Variants in TNFRSF10A observed in about 807,000 individuals in gnomAD.
TNFRSF10A encodes the protein TNF receptor superfamily member 10a.
A neutral mutation model predicts 42.8 loss-of-function variants in TNFRSF10A; 44 were observed. The ratio of observed to expected loss-of-function variants is 1.03; its 90% confidence interval spans 0.81 to 1.32. The LOEUF (loss-of-function observed/expected upper bound fraction) is 1.32, where lower values mean the gene tolerates loss of function less well. Ranked by LOEUF, TNFRSF10A falls within the 40% of genes most tolerant of loss-of-function variation. The probability of loss-of-function intolerance (pLI) is 0.00; values close to 1 mark genes in which losing one functional copy is unlikely to be tolerated. For missense variants in TNFRSF10A, 680 were observed against 602.0 expected (o/e 1.13, Z -1.36); for synonymous variants, 259 against 234.2 (o/e 1.11, Z -0.97).
intron 8 of TNFRSF10A, among the ~76,000 whole-genome samples, chr8:23,198,857 C>A (rs1265232290): frequency 6.6e-6 from 1 of 152,188 alleles, no homozygotes; most frequent in African/African-American, 2.4e-5. Context: ...TCCATACAAC[C>A]ATATGCAGAA....
chr8:23,190,955 A>ATCT lies in TNFRSF10A; in HGVS notation c.*738_*739insAGA, dbSNP rs1417463747. On this transcript the variant is annotated 3_prime_UTR_variant, in exon 10 of 10. Transcript: ENST00000221132. ...ATCCTAGACTCTGATGTCCACAGGC[A>ATCT]GAAGAGTGTCCCAGCTCCAGGAGAT... is the stretch of plus-strand genomic sequence containing the variant. 4 of 152,230 alleles carry ATCT rather than the reference A, an allele frequency of 2.6e-5. No individual in the cohort carries two copies. The East Asian group carries it at 7.7e-4, about 29-fold the overall frequency. 9.4% of individuals were successfully genotyped at this position (152,230 alleles called of 1,614,324 possible). A position where few individuals can be genotyped will look rare whatever the true frequency, so the allele number is the denominator to read the frequency against.
intron 3 of TNFRSF10A, 26 bp from the exon 4 acceptor site, chr8:23,201,945 GA>G (rs1800934325): frequency 6.2e-7 from 1 of 1,605,786 alleles, no homozygotes; most frequent in Admixed American, 1.7e-5. Flanking sequence ...AAGGTTTTGG[GA>G]ATGTGTTTCC....
At chr8:23,205,959 G>C (rs891382885) in intron 2 of TNFRSF10A, among the ~76,000 whole-genome samples, 1 of 151,910 alleles carries the variant, frequency 6.6e-6, no homozygotes, top group Non-Finnish European at 1.5e-5. Context: ...CTCGTGATCC[G>C]CCTGCCTTGG....
chr8:23,210,637 G>A (rs1031635636), intron 2 of TNFRSF10A, among the ~76,000 whole-genome samples: 8 of 152,218 alleles, frequency 5.3e-5, no homozygotes, highest in Non-Finnish European at 5.9e-5. Context: ...AGCCGAGATC[G>A]CGCCACTGCA....
intron 1 of TNFRSF10A, among the ~76,000 whole-genome samples, chr8:23,218,377 A>T (rs1371563738): frequency 6.6e-6 from 1 of 152,118 alleles, no homozygotes; most frequent in Non-Finnish European, 1.5e-5. Flanking sequence ...TCTCTCAGGC[A>T]TACACACCCT....
At chr8:23,208,810 T>C (rs1207154698) in intron 2 of TNFRSF10A, among the ~76,000 whole-genome samples, 1 of 152,150 alleles carries the variant, frequency 6.6e-6, no homozygotes, top group Admixed American at 6.6e-5. Flanking sequence ...ATCTGCAACC[T>C]GACAATGTGC....
rs1460624968 is a variant in TNFRSF10A at position 23,191,010 on chromosome 8, G to A, written c.*684C>T. 1.3e-5 allele frequency: 2 copies of A among 150,016 alleles called. No individual in the cohort carries two copies. Among genetic ancestry groups the A allele is most frequent in the East Asian group, 3.9e-4 (2 of 5,162 alleles). The allele number at this position is 150,016 out of a possible 1,614,324, so 9.3% of individuals were successfully genotyped here. The stretch of plus-strand genomic sequence containing the variant: ...TGGATTTGCTTTTCCTTTTTTTTTT[G>A]TTTTCTTCTATCTTGCTCCCCAGTC... On this transcript the variant is annotated 3_prime_UTR_variant, in exon 10 of 10. Transcript: ENST00000221132.
intron 2 of TNFRSF10A, 60 bp from the exon 3 acceptor site, chr8:23,202,821 C>T (rs1408531358): frequency 3.3e-6 from 4 of 1,228,792 alleles, no homozygotes; most frequent in East Asian, 2.4e-5. Flanking sequence ...AGGATCGTGG[C>T]GGTGGCTAGG....
chr8:23,207,693 A>G (rs1467312622), intron 2 of TNFRSF10A, among the ~76,000 whole-genome samples: 1 of 152,166 alleles, frequency 6.6e-6, no homozygotes, highest in Non-Finnish European at 1.5e-5. Context: ...ATAATGAGTA[A>G]GTCTCATAAG....
In TNFRSF10A at chr8:23,191,788, C is replaced by T. The variant is rs1283179595; in HGVS notation, c.1313G>A (p.Arg438Lys). The change falls in exon 10 of 10, where the codon AGA becomes AAA. Residue 438 changes from arginine (R) to lysine (K), a missense_variant. Arg to Lys is a conservative substitution (Grantham distance 26). Coordinates refer to ENST00000221132, the MANE Select transcript of TNFRSF10A (RefSeq NM_003844.4). Reference sequence around the variant, plus strand: ...GTCCTGAATCTTCTCTCTTGCATGTCTCTCTTCCATCCTCTCCAAGGCATC... The same window carrying T: ...GTCCTGAATCTTCTCTCTTGCATGTTTCTCTTCCATCCTCTCCAAGGCATC... Reference protein sequence around the residue: ...LLDALERMEERHAREKIQDLL... With the variant: ...LLDALERMEEKHAREKIQDLL... 1.1e-5 allele frequency: 17 copies of T among 1,614,152 alleles called. No individual in the cohort carries two copies. Among genetic ancestry groups the T allele is most frequent in the Non-Finnish European group, 1.4e-5 (16 of 1,180,012 alleles).
chr8:23,202,645 T>C lies in TNFRSF10A; in HGVS notation c.517+3A>G. 1 of 1,611,040 alleles carries C rather than the reference T, an allele frequency of 6.2e-7. No individual in the cohort carries two copies. Among genetic ancestry groups the C allele is most frequent in the Non-Finnish European group, 8.5e-7 (1 of 1,177,374 alleles). On this transcript the variant is annotated splice_donor_region_variant and intron_variant, in intron 3 of 9. Coordinates refer to ENST00000221132, the MANE Select transcript of TNFRSF10A (RefSeq NM_003844.4). ...CTGGACAAGAGGTCCACACATTCTGTACCTGATTTACAAGCTGTACATGGG... is the reference window on the plus strand; with the variant it reads ...CTGGACAAGAGGTCCACACATTCTGCACCTGATTTACAAGCTGTACATGGG...
chr8:23,197,402 C>A (rs112093372), intron 8 of TNFRSF10A, 198 bp from the exon 9 acceptor site: 3 of 605,560 alleles, frequency 5.0e-6, no homozygotes, highest in African/African-American at 1.8e-5. Flanking sequence ...CAGCTCCACC[C>A]GGTCAGATCA....
chr8:23,199,232 T>C, intron 8 of TNFRSF10A, 34 bp downstream of exon 8: 1 of 1,594,108 alleles, frequency 6.3e-7, no homozygotes, highest in Non-Finnish European at 8.6e-7. Context: ...ACCCCCTGCC[T>C]ACAAGGTCTT....
intron 9 of TNFRSF10A, among the ~76,000 whole-genome samples, chr8:23,194,663 TA>T (rs1800799461): frequency 6.6e-6 from 1 of 152,142 alleles, no homozygotes; most frequent in Non-Finnish European, 1.5e-5. Flanking sequence ...CACTGGCTAT[TA>T]AAAAAATGGC....
Position 23,203,806 on chromosome 8 carries a change from C to G in TNFRSF10A, c.404-1045G>C, listed in dbSNP as rs140285247. 6.2e-3 allele frequency among the ~76,000 whole-genome samples: 869 copies of G among 140,590 alleles called. 13 individuals carry two copies. Among genetic ancestry groups the G allele is most frequent in the African/African-American group, 0.021 (815 of 38,054 alleles). The allele number at this position is 140,590 out of a possible 152,430, so 92.2% of individuals were successfully genotyped here. ...CTTTTTTTTTTTTTTGAGATGGAGT[C>G]TCGCTCTCTCACCAGGCTGGAGTTC... On this transcript the variant is annotated intron_variant, in intron 2 of 9. Transcript: ENST00000221132.
chr8:23,220,030 A>C (rs957419044), intron 1 of TNFRSF10A, among the ~76,000 whole-genome samples: 1 of 151,998 alleles, frequency 6.6e-6, no homozygotes, highest in Non-Finnish European at 1.5e-5. Context: ...AAATGTGATG[A>C]TTCACATCCC....
At chr8:23,192,163 C>T (rs1462099128) in intron 9 of TNFRSF10A, 150 bp from the exon 10 acceptor site, 4 of 1,401,630 alleles carry the variant, frequency 2.9e-6, no homozygotes, top group Non-Finnish European at 1.9e-6. Context: ...CACCCACCTC[C>T]CATCCACAGA....
Position 23,191,925 on chromosome 8 carries a change from A to C in TNFRSF10A, c.1176T>G (p.Asn392Lys). 2 of 1,613,964 alleles carry C rather than the reference A, an allele frequency of 1.2e-6. No homozygotes were observed. The highest frequency in any genetic ancestry group is 1.7e-6 in the Non-Finnish European group (2 of 1,179,992). Residue 392 changes from asparagine (N) to lysine (K), a missense_variant, in exon 10 of 10, where the codon AAT (asparagine) becomes AAG (lysine). Asn to Lys is a moderately conservative substitution (Grantham distance 94). Transcript: ENST00000221132. Reference protein sequence around the residue: ...QLMRQLDLTKNEIDVVRAGTA... With the variant: ...QLMRQLDLTKKEIDVVRAGTA... The stretch of plus-strand genomic sequence containing the variant: ...TACCAGCTCTGACCACATCGATCTC[A>C]TTTTTCGTGAGGTCCAGCTGCCTCA...
chr8:23,203,796 G>A (rs1312075356), intron 2 of TNFRSF10A, among the ~76,000 whole-genome samples: 4 of 90,348 alleles, frequency 4.4e-5, no homozygotes, highest in Non-Finnish European at 9.7e-5. Flanking sequence ...TTTTTTTTTT[G>A]AGATGGAGTC....
Sources: gnomAD v4.1 joint callset for allele counts (sites outside exome capture counted in the v4.1 genomes callset) on GRCh38, gnomAD v4.1.1 for gene constraint, MANE v1.5 for transcripts, NCBI Gene and HGNC (gene_info 2026-07-23, HGNC 2026-07-21) for gene names.